ANKRD26: variants seen among roughly 807,000 people sequenced by gnomAD.
ANKRD26 encodes ankyrin repeat domain-containing protein 26.
ANKRD26 carries 141 observed loss-of-function variants against 208.7 expected under a neutral mutation model. The observed-to-expected ratio is 0.68, with a 90% CI of 0.59 to 0.78. The LOEUF (loss-of-function observed/expected upper bound fraction) is 0.78. Among genes scored for constraint, ANKRD26 ranks in the 30% least tolerant of loss-of-function variants. The pLI, the probability that ANKRD26 is intolerant of heterozygous loss-of-function variation, is 0.00. For missense variants in ANKRD26, 1,889 were observed against 1,938.7 expected, an observed-to-expected ratio of 0.97 and a Z score of 0.48; for synonymous variants, 636 against 660.4, an observed-to-expected ratio of 0.96 and a Z score of 0.57.
chr10:26,997,439 C>A (rs1433966075), intron 4 of ANKRD26, among the ~76,000 whole-genome samples: 2 of 152,142 alleles, frequency 1.3e-5, no homozygotes, highest in East Asian at 3.9e-4. Flanking sequence ...CCTCAGAGCA[C>A]CCCTGGTCTT....
chr10:27,070,183 T>C (rs10829171), intron 9 of ANKRD26, among the ~76,000 whole-genome samples: 15,689 of 148,978 alleles, frequency 0.11, 1,096 homozygotes, highest in East Asian at 0.28. Flanking sequence ...GGTGGGCGGA[T>C]CACTTGAGGC....
intron 25 of ANKRD26, among the ~76,000 whole-genome samples, chr10:27,031,374 G>A (rs1400679183): frequency 2.0e-5 from 3 of 152,188 alleles, no homozygotes; most frequent in African/African-American, 7.2e-5. Flanking sequence ...ATGAAGTACT[G>A]ATATGTGCTA....
At chr10:27,097,025 T>C (rs148910797) in intron 1 of ANKRD26, among the ~76,000 whole-genome samples, 3,128 of 148,888 alleles carry the variant, frequency 0.021, 149 homozygotes, top group East Asian at 0.16. Flanking sequence ...ATACTAAAAA[T>C]ACAAAAATTA....
rs145587087 is a variant in ANKRD26, at chr10:27,047,993, C to T, written c.1814+808G>A. 1.7e-3 allele frequency among the ~76,000 whole-genome samples: 262 copies of T among 152,164 alleles called. 3 individuals are homozygous for T. The highest frequency in any genetic ancestry group is 6.0e-3 in the African/African-American group (251 of 41,512). ...CTGACCTCAAGTGATCCACTTGCCT[C>T]GGCCTCCCAAAGTGCTGGGATTACA... is the stretch of plus-strand genomic sequence containing the variant. On this transcript the variant is annotated intron_variant, in intron 17 of 33. Coordinates refer to ENST00000376087, the MANE Select transcript of ANKRD26 (RefSeq NM_014915.3).
intron 30 of ANKRD26, among the ~76,000 whole-genome samples, chr10:27,015,413 G>A (rs1447162310): frequency 6.6e-6 from 1 of 152,238 alleles, no homozygotes; most frequent in East Asian, 1.9e-4. Flanking sequence ...AGCCTGACTA[G>A]CTCTATGGCT....
chr10:27,035,074 T>C lies in ANKRD26; in HGVS notation c.3376A>G (p.Ile1126Val). ...QNEQVKVNKY[I>V]GKQESVEERL... ...TCCTCTACAGACTCCTGCTTTCCAA[T>C]GTATTTATTCACTTTAACTTGTTCA... The change falls in exon 24 of 34, where the codon ATT becomes GTT. Residue 1126 changes from isoleucine (I) to valine (V), a missense_variant. By Grantham distance (29) the Ile-to-Val change is conservative. Transcript: ENST00000376087. The C allele has an allele frequency of 6.2e-7, 1 of 1,613,368 alleles. No homozygotes were observed. The highest frequency in any genetic ancestry group is 1.1e-5 in the South Asian group (1 of 90,916).
At chr10:26,953,387 G>A in the ANKRD26 span, among the ~76,000 whole-genome samples, 9 of 152,172 alleles carry the variant, frequency 5.9e-5, no homozygotes, top group Non-Finnish European at 8.8e-5. Flanking sequence ...AGTTGCGATC[G>A]TGCCACTGCT....
intron 20 of ANKRD26, among the ~76,000 whole-genome samples, chr10:27,041,103 C>G (rs970306700): frequency 4.1e-4 from 62 of 152,018 alleles, no homozygotes; most frequent in African/African-American, 1.4e-3. Flanking sequence ...CCCAGAGACC[C>G]GCTTTCAGAG....
intron 32 of ANKRD26, among the ~76,000 whole-genome samples, chr10:27,010,088 C>T (rs2053040308): frequency 6.8e-6 from 1 of 146,924 alleles, no homozygotes; most frequent in South Asian, 2.1e-4. Flanking sequence ...CCAGAGAGCT[C>T]TACTTCTATC....
At chr10:27,017,855 A>C (rs1189599638) in intron 29 of ANKRD26, 63 bp from the exon 30 acceptor site, 1 of 1,471,798 alleles carries the variant, frequency 6.8e-7, no homozygotes, top group Non-Finnish European at 9.3e-7. Flanking sequence ...GCCTAACATA[A>C]AACCAAGAAC....
chr10:27,044,886 G>C (rs886849895), intron 18 of ANKRD26, among the ~76,000 whole-genome samples: 2 of 152,124 alleles, frequency 1.3e-5, no homozygotes, highest in African/African-American at 4.8e-5. Flanking sequence ...GCTGTGCTGT[G>C]AAAGTAATAT....
chr10:27,035,677 T>C lies in ANKRD26; in HGVS notation c.2773A>G (p.Arg925Gly), dbSNP rs191241738. 8 of 1,602,648 alleles carry C rather than the reference T, an allele frequency of 5.0e-6. No homozygotes were observed. In the East Asian group the frequency reaches 1.8e-4, roughly 36 times the overall value. The stretch of plus-strand genomic sequence containing the variant: ...TTTTTTATTGTGTCTATTTCTAGTC[T>C]TAGCATAGCAATTTCTTCCTGCAAC... ...SMLQEEIAML[R>G]LEIDTIKNQN... Residue 925 changes from arginine to glycine, a missense_variant, in exon 24 of 34, where the codon AGA becomes GGA. Arg to Gly is a moderately radical substitution (Grantham distance 125). This residue lies in a region of ANKRD26 where 1,272 missense variants were observed against 1,273.8 expected (regional missense o/e 1.00). Coordinates refer to ENST00000376087, the MANE Select transcript of ANKRD26 (RefSeq NM_014915.3).
intron 19 of ANKRD26, among the ~76,000 whole-genome samples, chr10:27,043,830 C>T (rs982673458): frequency 9.9e-5 from 15 of 151,672 alleles, no homozygotes; most frequent in Non-Finnish European, 1.8e-4. Context: ...CTCGCTCTAT[C>T]ACCCAGGCTG....
rs59987738 is a variant in ANKRD26, at chr10:27,023,979, T to TACACACACACAC, written c.4085+456_4085+467dup. On this transcript the variant is annotated intron_variant, in intron 28 of 33. Transcript: ENST00000376087. ...AAATTTTCATGATATATTTTATTAC[T>TACACACACACAC]ACACACACACACACACACACACACA... is the stretch of plus-strand genomic sequence containing the variant. Among the ~76,000 whole-genome samples, 1,360 of 142,234 alleles carry TACACACACACAC rather than the reference T, an allele frequency of 9.6e-3. 21 individuals are homozygous for TACACACACACAC. The highest frequency in any genetic ancestry group is 0.022 in the East Asian group (105 of 4,874). 93.3% of individuals were successfully genotyped at this position (142,234 alleles called of 152,430 possible).
intron 30 of ANKRD26, among the ~76,000 whole-genome samples, 193 bp from the exon 31 acceptor site, chr10:27,014,904 T>C (rs1263530800): frequency 6.6e-6 from 1 of 152,112 alleles, no homozygotes; most frequent in Non-Finnish European, 1.5e-5. Context: ...ATCCAAATAC[T>C]TCCAAAGAAA....
chr10:26,979,224 G>T (rs2052272808), intron 5 of ANKRD26, among the ~76,000 whole-genome samples: 14 of 152,058 alleles, frequency 9.2e-5, no homozygotes, highest in Admixed American at 9.2e-4. Context: ...ATCTCAAAAA[G>T]AAAAGAAAAA....
chr10:27,069,194 C>CAA (rs58833937), intron 9 of ANKRD26, among the ~76,000 whole-genome samples: 15 of 88,122 alleles, frequency 1.7e-4, no homozygotes, highest in Non-Finnish European at 2.1e-4. Context: ...GACGTCGTCT[C>CAA]AAAAAAAAAA....
intron 29 of ANKRD26, 73 bp from the exon 30 acceptor site, chr10:27,017,865 C>A: frequency 1.4e-6 from 2 of 1,414,356 alleles, no homozygotes; most frequent in Admixed American, 2.0e-5. Flanking sequence ...AAACCAAGAA[C>A]AAATTTTGAA....
rs1242776185 is a variant in ANKRD26, at chr10:27,093,356, T to G, written c.524A>C (p.Lys175Thr). 2.5e-6 allele frequency: 4 copies of G among 1,613,924 alleles called. No individual in the cohort carries two copies. The highest frequency in any genetic ancestry group is 3.4e-6 in the Non-Finnish European group (4 of 1,179,952). ...LLLYDANIEAKNKDDLTPLLL... is the reference protein window; with the variant it reads ...LLLYDANIEATNKDDLTPLLL... ...AAGTTGGTTGATCTATACCTTGTTTTTTGCTTCAATATTTGCATCATACAA... is the reference window on the plus strand; with the variant it reads ...AAGTTGGTTGATCTATACCTTGTTTGTTGCTTCAATATTTGCATCATACAA... Residue 175 changes from lysine to threonine, a missense_variant, in exon 3 of 34, where the codon AAA becomes ACA. Coordinates refer to ENST00000376087, the MANE Select transcript of ANKRD26 (RefSeq NM_014915.3).
Sources: allele counts gnomAD v4.1 joint callset (sites outside exome capture counted in the v4.1 genomes callset), GRCh38; gene constraint gnomAD v4.1.1; regional missense constraint gnomAD v4.1.1; transcripts MANE v1.5; gene names NCBI Gene and HGNC (gene_info 2026-07-23, HGNC 2026-07-21).